ATF1: variants seen among roughly 807,000 people sequenced by gnomAD.
The protein encoded by ATF1 is activating transcription factor 1.
In ATF1, 16 loss-of-function variants were observed where a neutral mutation model predicts 34.7. The ratio of observed to expected loss-of-function variants is 0.46; its 90% CI spans 0.31 to 0.70. ATF1 has a LOEUF of 0.70. Ranked by LOEUF, ATF1 falls within the 30% of genes least tolerant of loss-of-function variation. The probability of loss-of-function intolerance (pLI) is 0.05; values close to 1 mark genes in which losing one functional copy is unlikely to be tolerated. For missense variants in ATF1, 255 were observed against 321.6 expected, an observed-to-expected ratio of 0.79 and a Z score of 1.58; for synonymous variants, 105 against 113.1, an observed-to-expected ratio of 0.93 and a Z score of 0.46.
chr12:50,779,858 T>C (rs1257942119), intron 1 of ATF1, among the ~76,000 whole-genome samples: 4 of 152,318 alleles, frequency 2.6e-5, no homozygotes, highest in Non-Finnish European at 4.4e-5. Flanking sequence ...TTTGTGTCCA[T>C]AGACAGGAGG....
intron 3 of ATF1, among the ~76,000 whole-genome samples, chr12:50,798,468 C>T (rs946644959): frequency 6.6e-6 from 1 of 151,892 alleles, no homozygotes; most frequent in Admixed American, 6.6e-5. Flanking sequence ...GCCACCACAC[C>T]TGGCTAATTT....
rs146751345 is a variant in ATF1, at chr12:50,787,094, G to T, written c.93+6856G>T. 5.5e-3 allele frequency among the ~76,000 whole-genome samples: 840 copies of T among 152,112 alleles called. 5 individuals carry two copies. Among genetic ancestry groups the T allele is most frequent in the Middle Eastern group, 0.017 (5 of 294 alleles). ...ATAGATGACTCAACCCCTTCCCTAC[G>T]CACACACACACCCTAGTGAAGAGGT... On this transcript the variant is annotated intron_variant, in intron 2 of 6. Coordinates refer to ENST00000262053, the MANE Select transcript of ATF1 (RefSeq NM_005171.5).
intron 2 of ATF1, chr12:50,788,187 C>CTT (rs113494562): frequency 1.0e-4 from 43 of 424,832 alleles, no homozygotes; most frequent in East Asian, 2.2e-4. Context: ...TATAGCCAAT[C>CTT]TTTTTTTTTT....
chr12:50,810,459 G>C (rs2139690578), intron 4 of ATF1, among the ~76,000 whole-genome samples: 1 of 151,996 alleles, frequency 6.6e-6, no homozygotes, highest in Non-Finnish European at 1.5e-5. Flanking sequence ...GACCTGAAGT[G>C]ATTCACCCAC....
chr12:50,809,402 TTGTG>T, intron 3 of ATF1, 50 bp from the exon 4 acceptor site: 1 of 1,307,072 alleles, frequency 7.7e-7, no homozygotes, highest in Non-Finnish European at 1.1e-6. Context: ...AAAATTATTT[TTGTG>T]AAGTCATTCA....
At chr12:50,787,781 G>C (rs1941215878) in intron 2 of ATF1, among the ~76,000 whole-genome samples, 1 of 152,064 alleles carries the variant, frequency 6.6e-6, no homozygotes, top group South Asian at 2.1e-4. Context: ...ATATGTTTGG[G>C]TTTATTAGTA....
intron 4 of ATF1, among the ~76,000 whole-genome samples, chr12:50,813,478 A>G (rs1271911834): frequency 2.0e-5 from 3 of 152,218 alleles, no homozygotes; most frequent in South Asian, 4.1e-4. Flanking sequence ...ACTCAAAATT[A>G]CAAACTATGT....
chr12:50,815,817 TAA>T (rs1941832377), intron 6 of ATF1, among the ~76,000 whole-genome samples: 1 of 152,214 alleles, frequency 6.6e-6, no homozygotes, highest in Admixed American at 6.5e-5. Context: ...CCTGTACTCA[TAA>T]GTTTACTTGC....
intron 4 of ATF1, among the ~76,000 whole-genome samples, chr12:50,813,776 T>A (rs1326795551): frequency 6.6e-6 from 1 of 151,830 alleles, no homozygotes; most frequent in Non-Finnish European, 1.5e-5. Context: ...ATCGTGCCAC[T>A]GCACTCCAGC....
intron 2 of ATF1, among the ~76,000 whole-genome samples, chr12:50,791,166 G>A (rs1317582913): frequency 6.6e-6 from 1 of 152,134 alleles, no homozygotes. Flanking sequence ...ATTTTATACA[G>A]AATTTCATGA....
At chr12:50,777,553 A>G (rs978184597) in intron 1 of ATF1, among the ~76,000 whole-genome samples, 6 of 152,134 alleles carry the variant, frequency 3.9e-5, no homozygotes, top group African/African-American at 1.4e-4. Flanking sequence ...GCAGACAGTA[A>G]TTACTTGAGC....
chr12:50,792,949 A>C (rs1350848089), intron 2 of ATF1, among the ~76,000 whole-genome samples: 1 of 152,172 alleles, frequency 6.6e-6, no homozygotes, highest in Non-Finnish European at 1.5e-5. Context: ...AGTACGAAAG[A>C]AAGAGCCATC....
intron 4 of ATF1, 90 bp downstream of exon 4, chr12:50,809,679 T>C: frequency 1.5e-6 from 2 of 1,301,162 alleles, no homozygotes; most frequent in East Asian, 2.4e-5. Flanking sequence ...TGTAATACTT[T>C]GATAGTGATG....
intron 3 of ATF1, among the ~76,000 whole-genome samples, chr12:50,796,991 A>G (rs1034651476): frequency 1.3e-5 from 2 of 152,210 alleles, no homozygotes; most frequent in Admixed American, 6.5e-5. Flanking sequence ...CTGGGAAAAA[A>G]TTATTTGCAA....
chr12:50,814,281 T>C lies in ATF1; in HGVS notation c.513T>C (p.Thr171=), dbSNP rs769987495. ...CATTCACTCTTGTTTACCATCTAGCTGCATCAGGAGATATGCAAACATATC... is the reference window on the plus strand; with the variant it reads ...CATTCACTCTTGTTTACCATCTAGCCGCATCAGGAGATATGCAAACATATC... ...LVPSNQVVVQ[T]ASGDMQTYQI... The change falls in exon 6 of 7, where the codon ACT becomes ACC. Residue 171 remains threonine (T), a splice_region_variant and synonymous_variant. Transcript: ENST00000262053. 5 of 1,614,168 alleles carry C rather than the reference T, an allele frequency of 3.1e-6. No homozygotes were observed. Among genetic ancestry groups the C allele is most frequent in the Non-Finnish European group, 4.2e-6 (5 of 1,180,014 alleles).
At chr12:50,784,194 CAG>C (rs929795238) in intron 2 of ATF1, among the ~76,000 whole-genome samples, 12 of 151,934 alleles carry the variant, frequency 7.9e-5, no homozygotes, top group Admixed American at 7.2e-4. Flanking sequence ...GTAAAGGAAA[CAG>C]TATTTTATAA....
intron 1 of ATF1, 95 bp downstream of exon 1, chr12:50,764,402 C>CCGG (rs2139628208): frequency 7.3e-6 from 1 of 137,194 alleles, no homozygotes; most frequent in South Asian, 2.6e-4. Context: ...GGTCGCGCGC[C>CCGG]TGGTGGGGGT....
intron 2 of ATF1, among the ~76,000 whole-genome samples, chr12:50,792,569 C>A (rs1468237878): frequency 6.6e-6 from 1 of 150,840 alleles, no homozygotes; most frequent in Non-Finnish European, 1.5e-5. Flanking sequence ...AACTTTTATA[C>A]CCTGAGTCTT....
At chr12:50,767,922 G>T (rs1467382173) in intron 1 of ATF1, among the ~76,000 whole-genome samples, 1 of 151,238 alleles carries the variant, frequency 6.6e-6, no homozygotes, top group Non-Finnish European at 1.5e-5. Context: ...GCCCAGGCTG[G>T]AGTGCAGTGG....
Sources: gnomAD v4.1 joint callset for allele counts (sites outside exome capture counted in the v4.1 genomes callset) on GRCh38, gnomAD v4.1.1 for gene constraint, MANE v1.5 for transcripts, NCBI Gene and HGNC (gene_info 2026-07-23, HGNC 2026-07-21) for gene names.